The following POU3F3 variants were observed in gnomAD, a reference collection of about 807,000 sequenced individuals.
POU3F3 encodes the protein POU class 3 homeobox 3.
POU3F3 carries 1 observed loss-of-function variant against 8.6 expected under a neutral mutation model. That is an observed-to-expected ratio of 0.12 (90% CI 0.04 to 0.55). The LOEUF is 0.55. Ranked by LOEUF, POU3F3 falls within the 20% of genes least tolerant of loss-of-function variation. The pLI is 0.91. For synonymous variants in POU3F3, 418 were observed against 327.4 expected, an observed-to-expected ratio of 1.28 and a Z score of -2.99; for missense variants, 577 against 690.7, an observed-to-expected ratio of 0.84 and a Z score of 1.84.
At chr2:104,918,866 C>T in the POU3F3 span, among the ~76,000 whole-genome samples, 1 of 149,846 alleles carries the variant, frequency 6.7e-6, no homozygotes, top group Admixed American at 6.7e-5. Context: ...AGTGACCGCT[C>T]ACTCATGAAA....
the POU3F3 span, among the ~76,000 whole-genome samples, chr2:104,896,059 G>T: frequency 2.6e-4 from 39 of 152,294 alleles, no homozygotes; most frequent in African/African-American, 7.9e-4. Context: ...AAGCCTGAGC[G>T]GCAGGGAGCA....
chr2:104,904,574 T>C, the POU3F3 span, among the ~76,000 whole-genome samples: 1 of 152,180 alleles, frequency 6.6e-6, no homozygotes, highest in African/African-American at 2.4e-5. Flanking sequence ...ATTTGTTTAC[T>C]ATAAATGTTC....
the POU3F3 span, among the ~76,000 whole-genome samples, chr2:104,917,655 G>C: frequency 6.6e-6 from 1 of 152,174 alleles, no homozygotes; most frequent in Non-Finnish European, 1.5e-5. Flanking sequence ...GGGAAGGTCA[G>C]TGTCTTCATG....
chr2:104,878,107 A>G, the POU3F3 span, among the ~76,000 whole-genome samples: 85 of 152,144 alleles, frequency 5.6e-4, no homozygotes, highest in Admixed American at 1.7e-3. Flanking sequence ...CTAACCAGAA[A>G]CTGGCTGATT....
the POU3F3 span, among the ~76,000 whole-genome samples, chr2:104,903,508 G>GTGTGC: frequency 6.6e-6 from 1 of 152,200 alleles, no homozygotes; most frequent in African/African-American, 2.4e-5. Context: ...CACGCTTTAT[G>GTGTGC]TGTGCTGTTC....
At chr2:104,911,386 G>C in the POU3F3 span, among the ~76,000 whole-genome samples, 1 of 145,654 alleles carries the variant, frequency 6.9e-6, no homozygotes, top group Non-Finnish European at 1.5e-5. Flanking sequence ...CTGCACTCCA[G>C]CCTGGGCGAC....
At chr2:104,885,509 C>A in the POU3F3 span, among the ~76,000 whole-genome samples, 1 of 152,216 alleles carries the variant, frequency 6.6e-6, no homozygotes, top group Admixed American at 6.5e-5. Flanking sequence ...ATGAAAGTGA[C>A]CTCTGGTCCT....
the POU3F3 span, among the ~76,000 whole-genome samples, chr2:104,914,195 C>T: frequency 2.6e-5 from 4 of 152,254 alleles, no homozygotes; most frequent in Non-Finnish European, 5.9e-5. Flanking sequence ...TCTGTTATCA[C>T]GGCTCCATCC....
the POU3F3 span, chr2:104,868,267 G>A: frequency 2.2e-6 from 1 of 456,648 alleles, no homozygotes; most frequent in Admixed American, 2.3e-5. Context: ...GCGCAGAGCG[G>A]GCGGCAGTGA....
At chr2:104,912,616 T>C in the POU3F3 span, among the ~76,000 whole-genome samples, 1 of 152,242 alleles carries the variant, frequency 6.6e-6, no homozygotes, top group Admixed American at 6.5e-5. Context: ...CTTTATTTTC[T>C]TATTTTCTCT....
chr2:104,859,156 A>G (rs957835875), downstream of POU3F3, among the ~76,000 whole-genome samples: 40 of 152,336 alleles, frequency 2.6e-4, no homozygotes, highest in African/African-American at 9.4e-4. Context: ...CCCGTAATAA[A>G]AGAATATAGT....
At chr2:104,897,988 A>T in the POU3F3 span, among the ~76,000 whole-genome samples, 1 of 152,194 alleles carries the variant, frequency 6.6e-6, no homozygotes, top group Non-Finnish European at 1.5e-5. Context: ...TATAAGAGGG[A>T]CTGAATGTTC....
downstream of POU3F3, chr2:104,858,698 CT>C (rs1175027165): frequency 6.6e-6 from 1 of 152,198 alleles, no homozygotes; most frequent in Non-Finnish European, 1.5e-5. Context: ...ACTTAAGGTA[CT>C]TTTGGAAATC....
At chr2:104,877,278 A>G in the POU3F3 span, among the ~76,000 whole-genome samples, 1 of 151,334 alleles carries the variant, frequency 6.6e-6, no homozygotes, top group African/African-American at 2.4e-5. Flanking sequence ...AAGTATAAGC[A>G]TCTCTCTTTC....
At chr2:104,894,244 A>C in the POU3F3 span, among the ~76,000 whole-genome samples, 2 of 152,358 alleles carry the variant, frequency 1.3e-5, no homozygotes, top group South Asian at 4.1e-4. Context: ...CTATTAAATT[A>C]AGAATTTTAT....
chr2:104,871,353 G>GT, the POU3F3 span, among the ~76,000 whole-genome samples: 106 of 151,606 alleles, frequency 7.0e-4, no homozygotes, highest in African/African-American at 1.7e-3. Flanking sequence ...AACATTACCT[G>GT]TTTTTTTTTA....
At chr2:104,924,078 T>C in the POU3F3 span, among the ~76,000 whole-genome samples, 1 of 152,146 alleles carries the variant, frequency 6.6e-6, no homozygotes, top group South Asian at 2.1e-4. Flanking sequence ...ATAGTGATAA[T>C]TGCACAACAT....
chr2:104,913,732 A>T, the POU3F3 span, among the ~76,000 whole-genome samples: 1 of 152,232 alleles, frequency 6.6e-6, no homozygotes, highest in African/African-American at 2.4e-5. Flanking sequence ...ACATACAGAA[A>T]ACGTACCTGT....
the POU3F3 span, among the ~76,000 whole-genome samples, chr2:104,907,561 AC>A: frequency 6.6e-6 from 1 of 152,200 alleles, no homozygotes; most frequent in East Asian, 1.9e-4. Context: ...AGTGGATGTT[AC>A]CTCTGCTTTT....
Sources: allele counts gnomAD v4.1 joint callset (sites outside exome capture counted in the v4.1 genomes callset), GRCh38; gene constraint gnomAD v4.1.1; transcripts MANE v1.5; gene names NCBI Gene and HGNC (gene_info 2026-07-23, HGNC 2026-07-21).